Variants in TTC6 observed in about 807,000 individuals in gnomAD.
TTC6 encodes tetratricopeptide repeat protein 6.
In TTC6, 172 loss-of-function variants were observed where a neutral mutation model predicts 210.4. The ratio of observed to expected loss-of-function variants is 0.82; its 90% CI spans 0.72 to 0.93. The LOEUF (loss-of-function observed/expected upper bound fraction) is 0.93, where lower values mean the gene tolerates loss of function less well. Among genes scored for constraint, TTC6 ranks in the 40% least tolerant of loss-of-function variants. The pLI is 0.00. For missense variants in TTC6, 2,414 were observed against 2,318.1 expected (o/e 1.04, Z -0.85); for synonymous variants, 804 against 819.6 (o/e 0.98, Z 0.32).
intron 1 of TTC6, among the ~76,000 whole-genome samples, chr14:37,596,216 G>T (rs2095604154): frequency 6.6e-6 from 1 of 152,230 alleles, no homozygotes; most frequent in Non-Finnish European, 1.5e-5. Flanking sequence ...CCGCTTCAGG[G>T]AGTGAGCTGG....
chr14:37,701,291 C>G (rs1380029463), intron 4 of TTC6, 41 bp from the exon 7 acceptor site: 6 of 1,321,388 alleles, frequency 4.5e-6, no homozygotes, highest in Non-Finnish European at 5.8e-6. Flanking sequence ...CTAAAGTCCA[C>G]AAAATGATGA....
chr14:37,780,087 G>T (rs1007385862), intron 14 of TTC6, among the ~76,000 whole-genome samples: 1 of 152,026 alleles, frequency 6.6e-6, no homozygotes, highest in Admixed American at 6.6e-5. Context: ...ATGCTACACA[G>T]AATATTACAA....
intron 8 of TTC6, 56 bp downstream of exon 10, chr14:37,736,066 A>G: frequency 4.4e-6 from 4 of 899,776 alleles, no homozygotes; most frequent in Non-Finnish European, 6.8e-6. Context: ...CCTACAGTCC[A>G]GATATTAATT....
At chr14:37,786,100 C>A (rs912608832) in intron 14 of TTC6, among the ~76,000 whole-genome samples, 3 of 152,164 alleles carry the variant, frequency 2.0e-5, no homozygotes, top group Non-Finnish European at 2.9e-5. Context: ...GGCAGTCTGT[C>A]CATTCTCAGA....
chr14:37,828,830 CT>C (rs920627400), intron 29 of TTC6, among the ~76,000 whole-genome samples: 4 of 151,786 alleles, frequency 2.6e-5, no homozygotes, highest in Non-Finnish European at 4.4e-5. Flanking sequence ...TACATTCATA[CT>C]TTTTTTTCAC....
intron 1 of TTC6, among the ~76,000 whole-genome samples, chr14:37,655,299 C>A (rs940461635): frequency 3.3e-5 from 5 of 152,032 alleles, no homozygotes; most frequent in Admixed American, 1.3e-4. Flanking sequence ...AAACAAAAAA[C>A]CATAAAATTC....
At chr14:37,692,312 C>T (rs2095805436) in intron 3 of TTC6, among the ~76,000 whole-genome samples, 1 of 145,368 alleles carries the variant, frequency 6.9e-6, no homozygotes, top group African/African-American at 2.5e-5. Flanking sequence ...TATTAGCAAA[C>T]TGAATTCAAC....
chr14:37,698,880 G>A (rs944837860), intron 4 of TTC6, among the ~76,000 whole-genome samples: 1 of 152,132 alleles, frequency 6.6e-6, no homozygotes. Context: ...AAGGGTTAGG[G>A]ATTTTTATCC....
At chr14:37,768,676 G>A (rs1041298964) in intron 14 of TTC6, among the ~76,000 whole-genome samples, 6 of 151,588 alleles carry the variant, frequency 4.0e-5, no homozygotes, top group African/African-American at 1.5e-4. Context: ...TGCTGAAGTT[G>A]CTTATCAGCT....
intron 20 of TTC6, among the ~76,000 whole-genome samples, chr14:37,799,430 A>G (rs1413465006): frequency 6.6e-6 from 1 of 152,040 alleles, no homozygotes; most frequent in Non-Finnish European, 1.5e-5. Flanking sequence ...GCTCACCACA[A>G]TCTGGCTCCT....
intron 2 of TTC6, among the ~76,000 whole-genome samples, chr14:37,607,153 G>C (rs778453539): frequency 6.6e-6 from 1 of 152,202 alleles, no homozygotes; most frequent in Non-Finnish European, 1.5e-5. Flanking sequence ...CCCTTTGGAG[G>C]TGTAAAGTGT....
chr14:37,777,459 G>T lies in TTC6; in HGVS notation c.3267-10009G>T, dbSNP rs932563545. ...TTTTTCAGCTCTATCAGTTCAGTCT[G>T]GTTCATTATTAAAATGACCATTTCA... On this transcript the variant is annotated intron_variant, in intron 14 of 30. Transcript: ENST00000553443. Among the ~76,000 whole-genome samples the T allele has an allele frequency of 2.6e-5, 4 of 152,034 alleles. No individual in the cohort carries two copies. In the South Asian group the frequency reaches 8.3e-4, roughly 32 times the overall value.
rs1300256991 is a variant in TTC6 at position 37,598,271 on chromosome 14, G to C, written c.-235+2263G>C. 6.6e-6 allele frequency among the ~76,000 whole-genome samples: 1 copy of C among 152,162 alleles called. No homozygotes were observed. Among genetic ancestry groups the C allele is most frequent in the South Asian group, 2.1e-4 (1 of 4,830 alleles). On this transcript the variant is annotated intron_variant, in intron 1 of 2. Transcript: ENST00000556845. This position sits in a 1 kb window ranked among gnomAD's most constrained non-coding sequence, Gnocchi z 4.9. ...GCAGGGTACCCGCGAGGGCAGGCAC[G>C]TGGCGGCTCCTGCGGTGTCCCGGGT...
In TTC6 at chr14:37,803,087, C is replaced by A. The variant is rs537885839; in HGVS notation, c.4030-1593C>A. ...GATCATTACTCAGTATGGATCATGT[C>A]TACTTTTTTCTTCACATTTGGAGAT... On this transcript the variant is annotated intron_variant, in intron 20 of 30. Transcript: ENST00000553443. Among the ~76,000 whole-genome samples the A allele has an allele frequency of 2.0e-5, 3 of 152,144 alleles. No homozygotes were observed. The South Asian group carries it at 6.2e-4, about 32-fold the overall frequency.
At chr14:37,714,858 C>T in intron 6 of TTC6, 62 bp downstream of exon 8, 1 of 1,464,156 alleles carries the variant, frequency 6.8e-7, no homozygotes, top group Non-Finnish European at 9.1e-7. Context: ...TTTTTGGCTT[C>T]AGGAGACTTT....
Position 37,794,198 on chromosome 14 carries a change from AC to A in TTC6, c.3709-1070del, listed in dbSNP as rs373145469. Reference sequence around the variant, plus strand: ...TATGACTATATGATTTATTAATTACACCATCCTGAATAGGGTTAGCTTAGGA... The same window carrying A: ...TATGACTATATGATTTATTAATTACACATCCTGAATAGGGTTAGCTTAGGA... On this transcript the variant is annotated intron_variant, in intron 17 of 30. Coordinates refer to ENST00000553443, the Ensembl canonical transcript of TTC6. 3.2e-3 allele frequency among the ~76,000 whole-genome samples: 492 copies of A among 152,274 alleles called. 3 individuals carry two copies. The highest frequency in any genetic ancestry group is 0.011 in the African/African-American group (453 of 41,564).
chr14:37,785,312 T>C (rs4433710), intron 14 of TTC6, among the ~76,000 whole-genome samples: 102,686 of 152,012 alleles, frequency 0.68, 36,426 homozygotes, highest in Non-Finnish European at 0.78. Flanking sequence ...TTGGAGGCTT[T>C]GTTTATTTCT....
At chr14:37,723,207 T>G (rs1201300019) in intron 6 of TTC6, among the ~76,000 whole-genome samples, 6 of 152,154 alleles carry the variant, frequency 3.9e-5, no homozygotes, top group Non-Finnish European at 8.8e-5. Context: ...TAGGTTCATC[T>G]TGCATATTTC....
At chr14:37,635,998 A>G (rs1311311569) in intron 1 of TTC6, among the ~76,000 whole-genome samples, 5 of 150,262 alleles carry the variant, frequency 3.3e-5, no homozygotes, top group Admixed American at 6.6e-5. Flanking sequence ...AAAAAAAAAA[A>G]AAGAAAAAAA....
Sources: allele counts gnomAD v4.1 joint callset (sites outside exome capture counted in the v4.1 genomes callset), GRCh38; gene constraint gnomAD v4.1.1; non-coding constraint Gnocchi (gnomAD v3.1); transcripts MANE v1.5; gene names NCBI Gene and HGNC (gene_info 2026-07-23, HGNC 2026-07-21).